Variants in BAIAP2 observed in about 807,000 individuals in gnomAD.
BAIAP2 encodes BAR/IMD domain containing adaptor protein 2.
A neutral mutation model predicts 63.0 loss-of-function variants in BAIAP2; 18 were observed. The ratio of observed to expected loss-of-function variants is 0.29; its 90% confidence interval spans 0.20 to 0.42. The LOEUF (loss-of-function observed/expected upper bound fraction) is 0.42. Among genes scored for constraint, BAIAP2 ranks in the 10% least tolerant of loss-of-function variants. BAIAP2 has a pLI of 1.00. For synonymous variants in BAIAP2, 386 were observed against 307.6 expected (o/e 1.25, Z -2.67); for missense variants, 610 against 734.3 (o/e 0.83, Z 1.96).
rs540392678 is a variant in BAIAP2 at position 81,053,572 on chromosome 17, G to T, written c.55-96G>T. On this transcript the variant is annotated intron_variant, in intron 1 of 13. Transcript: ENST00000428708. ...TTTGTGGTGTCGACCCCCAGGAGGG[G>T]TGCCTGCTCTGGGTTTTCTCCTCTG... is the stretch of plus-strand genomic sequence containing the variant. The T allele has an allele frequency of 1.6e-5, 22 of 1,354,802 alleles. No individual in the cohort carries two copies. The East Asian group carries it at 3.2e-4, about 20-fold the overall frequency. The allele number at this position is 1,354,802 out of a possible 1,614,324, so 83.9% of individuals were successfully genotyped here.
intron 3 of BAIAP2, among the ~76,000 whole-genome samples, chr17:81,080,216 A>G (rs1420262982): frequency 6.6e-6 from 1 of 152,194 alleles, no homozygotes; most frequent in Non-Finnish European, 1.5e-5. Flanking sequence ...GTGGCTGCAC[A>G]CACTCATGCT....
chr17:81,099,422 C>T (rs571835270), intron 6 of BAIAP2, among the ~76,000 whole-genome samples: 10 of 146,318 alleles, frequency 6.8e-5, no homozygotes, highest in Non-Finnish European at 1.1e-4. Context: ...TCCTGCCTTT[C>T]GTGCTGGGGC....
At chr17:81,052,424 G>A (rs557651739) in intron 1 of BAIAP2, among the ~76,000 whole-genome samples, 10 of 152,340 alleles carry the variant, frequency 6.6e-5, no homozygotes, top group African/African-American at 1.7e-4. Flanking sequence ...CCCTTGCTGC[G>A]TCCTGGAAGG....
intron 3 of BAIAP2, among the ~76,000 whole-genome samples, chr17:81,081,094 C>T (rs1215826436): frequency 6.6e-6 from 1 of 152,244 alleles, no homozygotes; most frequent in Non-Finnish European, 1.5e-5. Context: ...GCCACCCCAA[C>T]TCGGCTGAAG....
rs375170535 is a variant in BAIAP2, at chr17:81,050,474, G to A, written c.55-3194G>A. On this transcript the variant is annotated intron_variant, in intron 1 of 13. Transcript: ENST00000428708. ...GGCATGGCCGCCGTGCTGACCCGCC[G>A]TGGTTGGCCCTGGGTGGCTCCTGGC... Among the ~76,000 whole-genome samples, 35 of 152,330 alleles carry A rather than the reference G, an allele frequency of 2.3e-4. No individual in the cohort carries two copies. The South Asian group carries it at 5.6e-3, about 24-fold the overall frequency.
chr17:81,047,190 A>G (rs1343723279), intron 1 of BAIAP2, among the ~76,000 whole-genome samples: 1 of 152,094 alleles, frequency 6.6e-6, no homozygotes, highest in Admixed American at 6.5e-5. Flanking sequence ...GTCAGGTGCA[A>G]CACCAGGACC....
chr17:81,052,259 G>A lies in BAIAP2; in HGVS notation c.55-1409G>A, dbSNP rs565737839. The stretch of plus-strand genomic sequence containing the variant: ...CTGCCTTCCACGTCTCGCTGAGCAC[G>A]CCTATCCCACTTCTGCGGAAGCGCT... On this transcript the variant is annotated intron_variant, in intron 1 of 13. Coordinates refer to ENST00000428708, the MANE Select transcript of BAIAP2 (RefSeq NM_001144888.2). Among the ~76,000 whole-genome samples, 190 of 152,338 alleles carry A rather than the reference G, an allele frequency of 1.2e-3. 1 individual carries two copies. Among genetic ancestry groups the A allele is most frequent in the African/African-American group, 4.4e-3 (183 of 41,578 alleles).
intron 2 of BAIAP2, among the ~76,000 whole-genome samples, chr17:81,057,118 T>C (rs1310887488): frequency 6.6e-6 from 1 of 152,246 alleles, no homozygotes; most frequent in Non-Finnish European, 1.5e-5. Context: ...GAAATTGTAA[T>C]TACACTGCTC....
chr17:81,055,470 C>T (rs1002712722), intron 2 of BAIAP2, among the ~76,000 whole-genome samples: 1 of 152,200 alleles, frequency 6.6e-6, no homozygotes, highest in Non-Finnish European at 1.5e-5. Flanking sequence ...TCCACCCTGC[C>T]CCTCCTCTAC....
chr17:81,057,113 T>G (rs908418510), intron 2 of BAIAP2, among the ~76,000 whole-genome samples: 1 of 152,200 alleles, frequency 6.6e-6, no homozygotes, highest in African/African-American at 2.4e-5. Context: ...GATTAGAAAT[T>G]GTAATTACAC....
intron 13 of BAIAP2, chr17:81,109,868 C>T: frequency 2.0e-6 from 2 of 985,338 alleles, no homozygotes; most frequent in South Asian, 9.4e-5. Flanking sequence ...CCCGGGCTAC[C>T]TGGCTGCTCT....
At chr17:81,038,003 G>A (rs1245306650) in intron 1 of BAIAP2, among the ~76,000 whole-genome samples, 4 of 152,250 alleles carry the variant, frequency 2.6e-5, no homozygotes, top group Non-Finnish European at 4.4e-5. Flanking sequence ...GGAGTGGAAC[G>A]GCTTCCCGGT....
At chr17:81,111,748 C>G (rs1323110768) in intron 13 of BAIAP2, among the ~76,000 whole-genome samples, 2 of 152,222 alleles carry the variant, frequency 1.3e-5, no homozygotes, top group Non-Finnish European at 2.9e-5. Flanking sequence ...CAGGAGCAGG[C>G]CCTCTGCCCT....
intron 3 of BAIAP2, among the ~76,000 whole-genome samples, chr17:81,073,678 G>A (rs2053113610): frequency 6.6e-6 from 1 of 152,136 alleles, no homozygotes; most frequent in Non-Finnish European, 1.5e-5. Context: ...CTTTTTCACT[G>A]TCTCTGAGAT....
intron 4 of BAIAP2, 195 bp downstream of exon 4, chr17:81,085,088 C>T (rs569971738): frequency 1.5e-5 from 9 of 614,378 alleles, no homozygotes; most frequent in African/African-American, 9.2e-5. Flanking sequence ...GGCCAGACCG[C>T]GGCCGCATGT....
rs562764325 is a variant in BAIAP2 at position 81,105,009 on chromosome 17, C to A, written c.1268+294C>A. On this transcript the variant is annotated intron_variant, in intron 10 of 13. Coordinates refer to ENST00000428708, the MANE Select transcript of BAIAP2 (RefSeq NM_001144888.2). ...TCTCCCCCCAACGGCAGGGATCTCC[C>A]CCAATGGCAGGTATCTCCCCCAATG... 3.6e-4 allele frequency: 122 copies of A among 335,108 alleles called. No individual in the cohort carries two copies. In the East Asian group the frequency reaches 7.5e-3, roughly 21 times the overall value. The allele number at this position is 335,108 out of a possible 1,614,324, so 20.8% of individuals were successfully genotyped here. A position where few individuals can be genotyped will look rare whatever the true frequency, so the allele number is the denominator to read the frequency against.
Position 81,057,931 on chromosome 17 carries a change from G to A in BAIAP2, c.181G>A (p.Glu61Lys), listed in dbSNP as rs1463652930. Reference protein sequence around the residue: ...GYFDALVKMGELASESQGSKE... With the variant: ...GYFDALVKMGKLASESQGSKE... ...CTTTGACGCCCTGGTGAAGATGGGG[G>A]AGCTGGCCAGCGAGAGCCAGGGCTC... Residue 61 changes from glutamate to lysine, a missense_variant, in exon 3 of 14, where the codon GAG becomes AAG. Glu to Lys is a moderately conservative substitution (Grantham distance 56). Around this residue, in one of 5 missense-constraint regions of BAIAP2, gnomAD observed 389 missense variants for 455.6 expected, o/e 0.85. Coordinates refer to ENST00000428708, the MANE Select transcript of BAIAP2 (RefSeq NM_001144888.2). The A allele has an allele frequency of 6.2e-7, 1 of 1,608,196 alleles. No individual in the cohort carries two copies. The highest frequency in any genetic ancestry group is 8.5e-7 in the Non-Finnish European group (1 of 1,177,698).
At chr17:81,087,371 C>T (rs2055864965) in intron 6 of BAIAP2, 1 of 152,238 alleles carries the variant, frequency 6.6e-6, no homozygotes, top group Non-Finnish European at 1.5e-5. Context: ...CCGCACACAC[C>T]TGCCCGTGTG....
At chr17:81,037,916 C>T (rs2046508531) in intron 1 of BAIAP2, among the ~76,000 whole-genome samples, 1 of 152,264 alleles carries the variant, frequency 6.6e-6, no homozygotes, top group South Asian at 2.1e-4. Context: ...GTAACGCAGA[C>T]TTTGACCTCT....
Sources: allele counts gnomAD v4.1 joint callset (sites outside exome capture counted in the v4.1 genomes callset), GRCh38; gene constraint gnomAD v4.1.1; regional missense constraint gnomAD v4.1.1; transcripts MANE v1.5; gene names NCBI Gene and HGNC (gene_info 2026-07-23, HGNC 2026-07-21).